Variants in ESYT2 observed in about 807,000 individuals in gnomAD.
ESYT2 encodes the protein extended synaptotagmin 2, also known as extended synaptotagmin-2.
Under a neutral mutation model 107.2 loss-of-function variants are expected in ESYT2, and 54 were observed. The ratio of observed to expected loss-of-function variants is 0.50; its 90% CI spans 0.40 to 0.63. The LOEUF (loss-of-function observed/expected upper bound fraction) is 0.63. Ranked by LOEUF, ESYT2 falls within the 30% of genes least tolerant of loss-of-function variation. The pLI is 0.00. For synonymous variants in ESYT2, 491 were observed against 434.1 expected (o/e 1.13, Z -1.63); for missense variants, 1,020 against 1,094.5 (o/e 0.93, Z 0.96).
intron 15 of ESYT2, among the ~76,000 whole-genome samples, chr7:158,749,113 GTTTTGTTTTTTGAGAC>G (rs1837502924): frequency 6.6e-6 from 1 of 150,948 alleles, no homozygotes; most frequent in Non-Finnish European, 1.5e-5. Context: ...TGTTATTTTT[GTTTTGTTTTTTGAGAC>G]AGAGTCTTGC....
At chr7:158,760,963 T>C (rs1837940271) in intron 11 of ESYT2, among the ~76,000 whole-genome samples, 1 of 152,248 alleles carries the variant, frequency 6.6e-6, no homozygotes, top group South Asian at 2.1e-4. Context: ...GCTTCATTTA[T>C]CTAAATCTTA....
chr7:158,768,999 GA>G (rs1251390120), intron 7 of ESYT2, among the ~76,000 whole-genome samples: 1 of 152,170 alleles, frequency 6.6e-6, no homozygotes, highest in Non-Finnish European at 1.5e-5. Flanking sequence ...ACCTTTACCT[GA>G]ATTGTGAAGT....
At chr7:158,811,221 CA>C (rs1244221013) in intron 1 of ESYT2, among the ~76,000 whole-genome samples, 12 of 152,080 alleles carry the variant, frequency 7.9e-5, no homozygotes, top group South Asian at 6.3e-4. Flanking sequence ...ATCTATAAAA[CA>C]CATACTGCTT....
chr7:158,794,637 G>C (rs1839407400), intron 3 of ESYT2, among the ~76,000 whole-genome samples: 3 of 152,156 alleles, frequency 2.0e-5, no homozygotes, highest in Admixed American at 1.3e-4. Flanking sequence ...CTCCCCAGGC[G>C]TGGTGGCGTG....
chr7:158,803,361 C>A (rs149736532), intron 1 of ESYT2, among the ~76,000 whole-genome samples: 12 of 152,288 alleles, frequency 7.9e-5, no homozygotes, highest in African/African-American at 2.9e-4. Context: ...CAGAGAACCT[C>A]GGTTCTACAA....
chr7:158,812,209 G>A (rs969750024), intron 1 of ESYT2, among the ~76,000 whole-genome samples: 1 of 152,230 alleles, frequency 6.6e-6, no homozygotes, highest in Non-Finnish European at 1.5e-5. Context: ...ATGCTTCAGA[G>A]CAGGGATGGG....
intron 6 of ESYT2, among the ~76,000 whole-genome samples, chr7:158,781,174 TGA>T (rs375184308): frequency 2.6e-4 from 39 of 150,930 alleles, no homozygotes; most frequent in Admixed American, 1.6e-3. Flanking sequence ...GTGAGGAGTG[TGA>T]GAGAACAAAT....
At chr7:158,748,127 G>T in intron 16 of ESYT2, 67 bp downstream of exon 16, 1 of 1,464,408 alleles carries the variant, frequency 6.8e-7, no homozygotes, top group Non-Finnish European at 9.5e-7. Flanking sequence ...TCACAACTCA[G>T]CAAATTGTAT....
At chr7:158,748,765 G>A (rs1206478080) in intron 15 of ESYT2, among the ~76,000 whole-genome samples, 2 of 151,198 alleles carry the variant, frequency 1.3e-5, no homozygotes, top group Non-Finnish European at 2.9e-5. Context: ...CTGTCGCCAG[G>A]CTGGAGTGCA....
intron 20 of ESYT2, 81 bp from the exon 21 acceptor site, chr7:158,735,689 G>A: frequency 1.7e-6 from 2 of 1,146,916 alleles, no homozygotes; most frequent in South Asian, 2.6e-5. Flanking sequence ...TTCTGCTCAT[G>A]AGATCATTCC....
intron 7 of ESYT2, among the ~76,000 whole-genome samples, chr7:158,768,247 A>G (rs1354983692): frequency 6.6e-6 from 1 of 152,170 alleles, no homozygotes; most frequent in African/African-American, 2.4e-5. Flanking sequence ...TCATATACAC[A>G]TCTCATTTCT....
intron 6 of ESYT2, among the ~76,000 whole-genome samples, chr7:158,781,939 AAGAACG>A (rs1455723019): frequency 4.6e-5 from 7 of 151,144 alleles, no homozygotes; most frequent in Non-Finnish European, 8.8e-5. Flanking sequence ...GTATGAGTGT[AAGAACG>A]AGAACAAGTG....
chr7:158,752,346 T>C (rs979079369), intron 14 of ESYT2, among the ~76,000 whole-genome samples: 5 of 152,186 alleles, frequency 3.3e-5, no homozygotes, highest in African/African-American at 9.7e-5. Context: ...CATGAAGGTG[T>C]TGACTCAGAG....
chr7:158,748,469 T>C (rs1013122613), intron 15 of ESYT2, among the ~76,000 whole-genome samples, 189 bp from the exon 16 acceptor site: 1 of 152,182 alleles, frequency 6.6e-6, no homozygotes, highest in Admixed American at 6.5e-5. Flanking sequence ...GTATTGATGG[T>C]GGATGTGTTG....
intron 7 of ESYT2, among the ~76,000 whole-genome samples, chr7:158,770,339 T>C (rs958047539): frequency 3.3e-5 from 5 of 151,772 alleles, no homozygotes; most frequent in South Asian, 2.1e-4. Flanking sequence ...TAATTTATTA[T>C]ATAAAATCTA....
rs1409705146 is a variant in ESYT2, at chr7:158,748,275, T to A, written c.1563A>T (p.Arg521=). The A allele has an allele frequency of 1.2e-6, 2 of 1,613,638 alleles. No individual in the cohort carries two copies. Among genetic ancestry groups the A allele is most frequent in the East Asian group, 4.5e-5 (2 of 44,888 alleles). Residue 521 remains arginine, a synonymous_variant, in exon 16 of 23, where the codon CGA becomes CGT. Coordinates refer to ENST00000275418, the MANE Select transcript of ESYT2 (RefSeq NM_001367773.1). ...VGHKAQESKI[R]YKTNEPVWEE... ...CCCACACAGGTTCATTGGTTTTGTA[T>A]CGAATCTAGAAGAAATATCCAAATT...
At chr7:158,785,838 T>C (rs1460594042) in intron 6 of ESYT2, among the ~76,000 whole-genome samples, 1 of 152,150 alleles carries the variant, frequency 6.6e-6, no homozygotes, top group African/African-American at 2.4e-5. Flanking sequence ...TTCTACATTA[T>C]AAAAACTAAA....
At chr7:158,799,138 G>A (rs1182247197) in intron 1 of ESYT2, 66 bp from the exon 2 acceptor site, 5 of 1,393,578 alleles carry the variant, frequency 3.6e-6, no homozygotes, top group African/African-American at 1.4e-5. Flanking sequence ...TGTCAAGCAG[G>A]CAATTTCATA....
At chr7:158,785,252 G>A (rs1006260172) in intron 6 of ESYT2, among the ~76,000 whole-genome samples, 1 of 151,978 alleles carries the variant, frequency 6.6e-6, no homozygotes, top group African/African-American at 2.4e-5. Flanking sequence ...GTGAAACCCC[G>A]TCTCTACTAA....
Sources: allele counts gnomAD v4.1 joint callset (sites outside exome capture counted in the v4.1 genomes callset), GRCh38; gene constraint gnomAD v4.1.1; transcripts MANE v1.5; gene names NCBI Gene and HGNC (gene_info 2026-07-23, HGNC 2026-07-21).